The following PRKN variants were observed in gnomAD, a reference collection of about 807,000 sequenced individuals.
PRKN encodes E3 ubiquitin-protein ligase parkin.
Under a neutral mutation model 59.5 loss-of-function variants are expected in PRKN, and 56 were observed. The observed-to-expected ratio is 0.94, with a 90% CI of 0.76 to 1.18. The LOEUF is 1.18. Among genes scored for constraint, PRKN ranks in the 50% most tolerant of loss-of-function variants. The pLI is 0.00. For missense variants in PRKN, 657 were observed against 596.4 expected (o/e 1.10, Z -1.06); for synonymous variants, 250 against 222.1 (o/e 1.13, Z -1.12).
Position 162,722,175 on chromosome 6 carries a change from A to T in PRKN, c.7+5487T>A, listed in dbSNP as rs147620484. On this transcript the variant is annotated intron_variant, in intron 1 of 11. Transcript: ENST00000366898. ...AACCTATGTGTACCCATCCCTACCCAGCACCATCTAATACATATGGTATAA... is the reference window on the plus strand; with the variant it reads ...AACCTATGTGTACCCATCCCTACCCTGCACCATCTAATACATATGGTATAA... Among the ~76,000 whole-genome samples the T allele has an allele frequency of 4.9e-3, 743 of 152,330 alleles. 8 individuals are homozygous for T. Among genetic ancestry groups the T allele is most frequent in the African/African-American group, 0.017 (688 of 41,566 alleles).
intron 7 of PRKN, among the ~76,000 whole-genome samples, chr6:161,734,662 A>T (rs1787891877): frequency 6.6e-6 from 1 of 152,180 alleles, no homozygotes; most frequent in Non-Finnish European, 1.5e-5. Flanking sequence ...GGCATAGGTG[A>T]GTTTTTAATG....
chr6:162,402,641 T>C (rs1207878209), intron 2 of PRKN, among the ~76,000 whole-genome samples: 2 of 147,766 alleles, frequency 1.4e-5, no homozygotes, highest in Admixed American at 7.0e-5. Context: ...GTCATATATA[T>C]ATATATTTCT....
At chr6:162,420,127 T>C (rs1451312375) in intron 2 of PRKN, among the ~76,000 whole-genome samples, 1 of 151,876 alleles carries the variant, frequency 6.6e-6, no homozygotes, top group Non-Finnish European at 1.5e-5. Flanking sequence ...GTAGAGTCAG[T>C]GGGAGCTGTG....
At chr6:162,427,644 G>GTTTTTT (rs1219394770) in intron 2 of PRKN, among the ~76,000 whole-genome samples, 3 of 144,208 alleles carry the variant, frequency 2.1e-5, no homozygotes, top group Admixed American at 6.9e-5. Flanking sequence ...GTAAATAAAT[G>GTTTTTT]TTTTTTTTTC....
At chr6:162,558,949 T>C (rs1012834232) in intron 1 of PRKN, among the ~76,000 whole-genome samples, 1 of 152,076 alleles carries the variant, frequency 6.6e-6, no homozygotes, top group African/African-American at 2.4e-5. Context: ...CCAACTTTTC[T>C]ACTTTAAAAA....
Position 161,359,740 on chromosome 6 carries a change from C to T in PRKN, c.1285+348G>A, listed in dbSNP as rs1367119549. 2.0e-5 allele frequency among the ~76,000 whole-genome samples: 3 copies of T among 152,110 alleles called. No homozygotes were observed. The highest frequency in any genetic ancestry group is 6.5e-5 in the Admixed American group (1 of 15,272). On this transcript the variant is annotated intron_variant, in intron 11 of 11. Coordinates refer to ENST00000366898, the MANE Select transcript of PRKN (RefSeq NM_004562.3). The surrounding 1 kb of genome is among the most constrained non-coding windows in gnomAD (Gnocchi z 5.4). Reference sequence around the variant, plus strand: ...CAGGGTCATACGGTGCAGCCATCAGCGCTGGGGAAGGTCACCAGGGAGGAC... The same window carrying T: ...CAGGGTCATACGGTGCAGCCATCAGTGCTGGGGAAGGTCACCAGGGAGGAC...
chr6:162,484,594 T>C (rs1792458395), intron 1 of PRKN, among the ~76,000 whole-genome samples: 2 of 152,148 alleles, frequency 1.3e-5, no homozygotes, highest in Non-Finnish European at 1.5e-5. Flanking sequence ...CACATTAACG[T>C]AGAGATGTTT....
rs1790795349 is a variant in PRKN, at chr6:161,471,654, C to T, written c.1083+77200G>A. On this transcript the variant is annotated intron_variant, in intron 9 of 11. Coordinates refer to ENST00000366898, the MANE Select transcript of PRKN (RefSeq NM_004562.3). The surrounding 1 kb of genome is among the most constrained non-coding windows in gnomAD (Gnocchi z 4.5). Reference sequence around the variant, plus strand: ...AACAGAATCAGGATTCAAAAACATCCCCCCACCGTCTGACATCACTGGGTA... The same window carrying T: ...AACAGAATCAGGATTCAAAAACATCTCCCCACCGTCTGACATCACTGGGTA... 6.6e-6 allele frequency among the ~76,000 whole-genome samples: 1 copy of T among 152,068 alleles called. No homozygotes were observed. Among genetic ancestry groups the T allele is most frequent in the Non-Finnish European group, 1.5e-5 (1 of 68,000 alleles).
intron 6 of PRKN, among the ~76,000 whole-genome samples, chr6:161,808,719 T>C (rs1791438175): frequency 1.3e-5 from 2 of 152,092 alleles, no homozygotes; most frequent in African/African-American, 2.4e-5. Flanking sequence ...CCATGCTCCT[T>C]ATCTTGGTGG....
intron 5 of PRKN, among the ~76,000 whole-genome samples, chr6:161,978,796 C>T (rs1339739184): frequency 6.6e-6 from 1 of 152,184 alleles, no homozygotes; most frequent in Non-Finnish European, 1.5e-5. Context: ...CTCAAGGTGG[C>T]ATTGTTTGAG....
chr6:161,769,667 T>C (rs985962908), intron 7 of PRKN, among the ~76,000 whole-genome samples: 8 of 152,212 alleles, frequency 5.3e-5, no homozygotes, highest in African/African-American at 1.9e-4. Context: ...GTGCTATTTC[T>C]GGGCTGGGAT....
chr6:162,199,903 C>T (rs182160753), intron 4 of PRKN, among the ~76,000 whole-genome samples: 2 of 152,254 alleles, frequency 1.3e-5, no homozygotes, highest in East Asian at 1.9e-4. Context: ...CACCTTGACC[C>T]TGGCCCACAG....
intron 2 of PRKN, among the ~76,000 whole-genome samples, chr6:162,438,512 A>T (rs73037833): frequency 1.1e-4 from 16 of 151,848 alleles, no homozygotes; most frequent in African/African-American, 3.9e-4. Flanking sequence ...TAAAAAAAAA[A>T]GTATTGATTT....
intron 9 of PRKN, among the ~76,000 whole-genome samples, chr6:161,439,255 C>A (rs1789075138): frequency 6.6e-6 from 1 of 152,150 alleles, no homozygotes; most frequent in African/African-American, 2.4e-5. Context: ...ATGCGGTCTC[C>A]CAACAACTGG....
chr6:161,944,979 AC>A (rs1362128706), intron 6 of PRKN, among the ~76,000 whole-genome samples: 1 of 152,076 alleles, frequency 6.6e-6, no homozygotes, highest in Non-Finnish European at 1.5e-5. Flanking sequence ...TTCCTTTTTG[AC>A]CTTTTATCCT....
rs1779739542 is a variant in PRKN, at chr6:161,544,862, G to A, written c.1083+3992C>T. On this transcript the variant is annotated intron_variant, in intron 9 of 11. Coordinates refer to ENST00000366898, the MANE Select transcript of PRKN (RefSeq NM_004562.3). The surrounding 1 kb of genome is among the most constrained non-coding windows in gnomAD (Gnocchi z 5.5). ...AGTGTCTGGAATCTGATTTTCCAATGGACATTCCCATATGTTTGAACAAAA... is the reference window on the plus strand; with the variant it reads ...AGTGTCTGGAATCTGATTTTCCAATAGACATTCCCATATGTTTGAACAAAA... Among the ~76,000 whole-genome samples, 2 of 152,186 alleles carry A rather than the reference G, an allele frequency of 1.3e-5. No individual in the cohort carries two copies. The highest frequency in any genetic ancestry group is 4.1e-4 in the South Asian group (2 of 4,830).
intron 1 of PRKN, among the ~76,000 whole-genome samples, chr6:162,673,331 T>G (rs1424554232): frequency 2.0e-5 from 3 of 152,160 alleles, no homozygotes; most frequent in African/African-American, 7.2e-5. Context: ...AATAAAAAGT[T>G]AACTAAGGAT....
chr6:161,672,122 C>T (rs1434353360), intron 7 of PRKN, among the ~76,000 whole-genome samples: 1 of 152,106 alleles, frequency 6.6e-6, no homozygotes, highest in Admixed American at 6.5e-5. Context: ...ATTATTCGAC[C>T]TGCAGGTTAT....
intron 4 of PRKN, among the ~76,000 whole-genome samples, chr6:162,161,282 CAGG>C (rs1782746069): frequency 6.6e-6 from 1 of 152,092 alleles, no homozygotes; most frequent in African/African-American, 2.4e-5. Flanking sequence ...GACACTGGAG[CAGG>C]AGATGTGGTG....
Sources: allele counts gnomAD v4.1 joint callset (sites outside exome capture counted in the v4.1 genomes callset), GRCh38; gene constraint gnomAD v4.1.1; non-coding constraint Gnocchi (gnomAD v3.1); transcripts MANE v1.5; gene names NCBI Gene and HGNC (gene_info 2026-07-23, HGNC 2026-07-21).